Variants in DNAH8 observed in about 807,000 individuals in gnomAD.
DNAH8 encodes the protein dynein axonemal heavy chain 8.
A neutral mutation model predicts 562.1 loss-of-function variants in DNAH8; 382 were observed. The observed-to-expected ratio is 0.68, with a 90% confidence interval of 0.63 to 0.74. The LOEUF (loss-of-function observed/expected upper bound fraction) is 0.74, where lower values mean the gene tolerates loss of function less well. Among genes scored for constraint, DNAH8 ranks in the 30% least tolerant of loss-of-function variants. The pLI, the probability that DNAH8 is intolerant of heterozygous loss-of-function variation, is 0.00. For missense variants in DNAH8, 5,203 were observed against 5,620.4 expected, an observed-to-expected ratio of 0.93 and a Z score of 2.37; for synonymous variants, 1,881 against 1,919.4, an observed-to-expected ratio of 0.98 and a Z score of 0.52.
chr6:38,721,237 G>T (rs62396388), intron 1 of DNAH8, among the ~76,000 whole-genome samples: 12,413 of 152,132 alleles, frequency 0.082, 647 homozygotes, highest in Admixed American at 0.12. Flanking sequence ...GATCACTTGA[G>T]CCCAGGAGCT....
In DNAH8 at chr6:38,741,469, A is replaced by T. The variant is rs562134249; in HGVS notation, c.1117-242A>T. On this transcript the variant is annotated intron_variant, in intron 7 of 92. Coordinates refer to ENST00000327475, the MANE Select transcript of DNAH8 (RefSeq NM_001206927.2). ...AACTACCTCCCCCCCGACCAAAAAA[A>T]AAAACCCAAAATAAATAAGAGAAAC... 3.4e-4 allele frequency among the ~76,000 whole-genome samples: 52 copies of T among 152,158 alleles called. 1 individual carries two copies. The highest frequency in any genetic ancestry group is 1.2e-3 in the African/African-American group (50 of 41,516).
intron 41 of DNAH8, among the ~76,000 whole-genome samples, chr6:38,855,219 C>T (rs1583192221): frequency 1.3e-5 from 2 of 151,834 alleles, no homozygotes; most frequent in South Asian, 4.2e-4. Flanking sequence ...GTTTGAATGC[C>T]ATGGATCCTT....
chr6:38,898,776 A>C (rs1163124816), intron 61 of DNAH8, among the ~76,000 whole-genome samples: 2 of 152,176 alleles, frequency 1.3e-5, no homozygotes, highest in African/African-American at 4.8e-5. Context: ...TGTCAATGTT[A>C]TGATTGACTT....
At chr6:38,942,195 A>G (rs1274925671) in intron 79 of DNAH8, among the ~76,000 whole-genome samples, 1 of 152,204 alleles carries the variant, frequency 6.6e-6, no homozygotes, top group East Asian at 1.9e-4. Context: ...ATTTGGTGAT[A>G]GTGGCTGAAT....
intron 8 of DNAH8, among the ~76,000 whole-genome samples, chr6:38,747,215 T>C (rs1765015948): frequency 6.6e-6 from 1 of 152,100 alleles, no homozygotes; most frequent in Admixed American, 6.5e-5. Flanking sequence ...ATCTTCCCCA[T>C]TTTGTATATA....
At chr6:38,839,483 A>G (rs1157581996) in intron 33 of DNAH8, among the ~76,000 whole-genome samples, 1 of 151,438 alleles carries the variant, frequency 6.6e-6, no homozygotes, top group Non-Finnish European at 1.5e-5. Context: ...CCTCCCAGGT[A>G]GTGGGGATTA....
chr6:38,929,365 T>G (rs1782356190), intron 74 of DNAH8, 146 bp from the exon 75 acceptor site: 2 of 760,344 alleles, frequency 2.6e-6, no homozygotes, highest in Admixed American at 6.3e-5. Context: ...AAATTAATTT[T>G]TGTATGTTAC....
At chr6:38,930,690 A>G (rs1418079133) in intron 75 of DNAH8, among the ~76,000 whole-genome samples, 1 of 152,192 alleles carries the variant, frequency 6.6e-6, no homozygotes, top group African/African-American at 2.4e-5. Flanking sequence ...GGACTCATCC[A>G]CAATTTTGAA....
intron 88 of DNAH8, among the ~76,000 whole-genome samples, chr6:38,995,395 A>G (rs187701256): frequency 1.7e-4 from 26 of 152,316 alleles, no homozygotes; most frequent in African/African-American, 6.3e-4. Context: ...ATCAGGTTTA[A>G]TTACTAATCA....
At chr6:38,964,429 G>A (rs375621342) in intron 82 of DNAH8, among the ~76,000 whole-genome samples, 22 of 145,688 alleles carry the variant, frequency 1.5e-4, no homozygotes, top group Middle Eastern at 7.0e-3. Flanking sequence ...CAGTAGGGGC[G>A]GCCGGGCAGA....
At chr6:38,837,663 A>T (rs1774411012) in intron 32 of DNAH8, among the ~76,000 whole-genome samples, 1 of 152,216 alleles carries the variant, frequency 6.6e-6, no homozygotes, top group Non-Finnish European at 1.5e-5. Context: ...TTACTTTTAG[A>T]TGTACTTATG....
In DNAH8 at chr6:38,921,538, G is replaced by T. The variant is rs200996242; in HGVS notation, c.10662+32G>T. ...TTAAACATAAAAAATCCCCAAAATG[G>T]TGTACTGAAACTTTACACAAGAGCA... On this transcript the variant is annotated intron_variant, in intron 71 of 92. Transcript: ENST00000327475. 3.3e-4 allele frequency: 534 copies of T among 1,602,036 alleles called. 1 individual carries two copies. In the African/African-American group the frequency reaches 6.6e-3, roughly 20 times the overall value.
At chr6:38,857,435 T>C (rs1776288554) in intron 41 of DNAH8, 83 bp from the exon 42 acceptor site, 3 of 843,598 alleles carry the variant, frequency 3.6e-6, no homozygotes, top group East Asian at 5.1e-5. Context: ...TAGTTTAAAA[T>C]GTGAATAAGT....
At position 39,012,636 on chromosome 6, in the gene DNAH8, AG is replaced by A; in HGVS notation, c.13714+1del. 1 of 1,612,124 alleles carries A rather than the reference AG, an allele frequency of 6.2e-7. No homozygotes were observed. On this transcript the variant is annotated frameshift_variant and splice_region_variant, in exon 91 of 93. Transcript: ENST00000327475. LOFTEE classifies it high-confidence loss of function. ...FWMTGFFNPQ[G>X]FLTAMRQEVT... The stretch of plus-strand genomic sequence containing the variant: ...GGATGACTGGTTTCTTTAATCCCCA[AG>A]GTATGTGCTCATAGGAGATTTGGCA...
chr6:38,779,201 G>A (rs1280084015), intron 14 of DNAH8, among the ~76,000 whole-genome samples: 1 of 152,164 alleles, frequency 6.6e-6, no homozygotes, highest in Non-Finnish European at 1.5e-5. Context: ...GAGAGCCAGC[G>A]GATCTAGTGT....
At chr6:38,906,590 A>G (rs1044938588) in intron 63 of DNAH8, among the ~76,000 whole-genome samples, 183 bp downstream of exon 63, 3 of 152,202 alleles carry the variant, frequency 2.0e-5, no homozygotes, top group Non-Finnish European at 4.4e-5. Context: ...CCATCTCCAG[A>G]TGCTTTGTTT....
At chr6:38,779,775 C>G (rs570591271) in intron 14 of DNAH8, among the ~76,000 whole-genome samples, 191 bp from the exon 15 acceptor site, 2 of 152,262 alleles carry the variant, frequency 1.3e-5, no homozygotes, top group African/African-American at 2.4e-5. Context: ...TCTGTCTTTT[C>G]CATAAGATAA....
At chr6:38,945,738 G>C in intron 80 of DNAH8, 150 bp downstream of exon 80, 1 of 1,022,350 alleles carries the variant, frequency 9.8e-7, no homozygotes, top group African/African-American at 1.6e-5. Flanking sequence ...GTCTGGGAGA[G>C]ATCTTGGACA....
chr6:38,853,241 T>A lies in DNAH8; in HGVS notation c.5627T>A (p.Leu1876Ter). The A allele has an allele frequency of 6.2e-7, 1 of 1,613,344 alleles. No individual in the cohort carries two copies. ...GPVEIWLLDL[L>*]KMQMSSLHNI... The stretch of plus-strand genomic sequence containing the variant: ...GTGGAGATTTGGCTACTGGATTTGT[T>A]AAAAATGCAGATGTCATCATTACAT... Residue 1876 changes from leucine (L) to a stop codon, truncating the protein, a stop_gained, in exon 41 of 93, where the codon TTA (leucine) becomes TAA (stop). Coordinates refer to ENST00000327475, the MANE Select transcript of DNAH8 (RefSeq NM_001206927.2). LOFTEE classifies it high-confidence loss of function.
Sources: gnomAD v4.1 joint callset for allele counts (sites outside exome capture counted in the v4.1 genomes callset) on GRCh38, gnomAD v4.1.1 for gene constraint, MANE v1.5 for transcripts, NCBI Gene and HGNC (gene_info 2026-07-23, HGNC 2026-07-21) for gene names.